The following PKN2 variants were observed in gnomAD, a reference collection of about 807,000 sequenced individuals.
The protein encoded by PKN2 is serine/threonine-protein kinase N2.
Under a neutral mutation model 119.1 loss-of-function variants are expected in PKN2, and 38 were observed. That is an observed-to-expected ratio of 0.32 (90% CI 0.25 to 0.42). PKN2 has a LOEUF of 0.42. Among genes scored for constraint, PKN2 ranks in the 10% least tolerant of loss-of-function variants. The pLI, the probability that PKN2 is intolerant of heterozygous loss-of-function variation, is 1.00. For synonymous variants in PKN2, 390 were observed against 384.9 expected (o/e 1.01, Z -0.15); for missense variants, 850 against 1,165.1 (o/e 0.73, Z 3.94).
intron 1 of PKN2, among the ~76,000 whole-genome samples, chr1:88,724,118 A>C (rs1667802902): frequency 6.6e-6 from 1 of 152,162 alleles, no homozygotes; most frequent in Non-Finnish European, 1.5e-5. Context: ...GGAAAGCTCA[A>C]ATCACTTGCT....
At chr1:88,790,832 A>G (rs940819068) in intron 8 of PKN2, among the ~76,000 whole-genome samples, 7 of 152,008 alleles carry the variant, frequency 4.6e-5, no homozygotes, top group African/African-American at 1.2e-4. Flanking sequence ...TCTTTTGTCT[A>G]TGGTTTCTGT....
chr1:88,775,225 AAGTGCT>A (rs996313360), intron 6 of PKN2, among the ~76,000 whole-genome samples: 1 of 152,066 alleles, frequency 6.6e-6, no homozygotes, highest in African/African-American at 2.4e-5. Context: ...TGGCCTCCCA[AAGTGCT>A]AGGATTACAG....
intron 8 of PKN2, among the ~76,000 whole-genome samples, chr1:88,793,305 C>A (rs1670923366): frequency 6.6e-6 from 1 of 152,084 alleles, no homozygotes; most frequent in Non-Finnish European, 1.5e-5. Flanking sequence ...TATATGCATT[C>A]ATGACATATC....
At chr1:88,807,482 G>T in intron 13 of PKN2, 39 bp downstream of exon 13, 15 of 1,604,874 alleles carry the variant, frequency 9.3e-6, no homozygotes, top group Non-Finnish European at 1.3e-5. Flanking sequence ...TACATGTTTG[G>T]TACCATACTT....
intron 16 of PKN2, among the ~76,000 whole-genome samples, chr1:88,820,201 TA>T (rs1672199708): frequency 4.0e-5 from 3 of 74,232 alleles, no homozygotes; most frequent in Non-Finnish European, 7.7e-5. Context: ...TATATATATA[TA>T]TATATATATA....
chr1:88,805,873 T>A lies in PKN2; in HGVS notation c.1677-18T>A, dbSNP rs1021079612. On this transcript the variant is annotated intron_variant, in intron 11 of 21. Coordinates refer to ENST00000370521, the MANE Select transcript of PKN2 (RefSeq NM_006256.4). ...ACTTTCTATTACTGTTTTGGTGAGT[T>A]ACTTTATCTTCTATAAGTGATTCTA... 6.2e-7 allele frequency: 1 copy of A among 1,612,826 alleles called. No individual in the cohort carries two copies. The highest frequency in any genetic ancestry group is 8.5e-7 in the Non-Finnish European group (1 of 1,179,710).
intron 3 of PKN2, among the ~76,000 whole-genome samples, chr1:88,767,668 A>G (rs1314184437): frequency 6.6e-6 from 1 of 152,220 alleles, no homozygotes; most frequent in East Asian, 1.9e-4. Context: ...GTTGACCTAA[A>G]TGTCATTATG....
chr1:88,740,572 A>G (rs1668537298), intron 1 of PKN2, among the ~76,000 whole-genome samples: 3 of 152,112 alleles, frequency 2.0e-5, no homozygotes, highest in African/African-American at 4.8e-5. Flanking sequence ...AGTATCTCTA[A>G]AAGGTGGCTA....
intron 1 of PKN2, among the ~76,000 whole-genome samples, chr1:88,704,902 T>C (rs1666916317): frequency 6.6e-6 from 1 of 152,180 alleles, no homozygotes; most frequent in South Asian, 2.1e-4. Context: ...TGGTTTTAAT[T>C]TGCATATTTG....
intron 6 of PKN2, among the ~76,000 whole-genome samples, chr1:88,774,884 T>C (rs1670031709): frequency 6.6e-6 from 1 of 152,010 alleles, no homozygotes; most frequent in Admixed American, 6.6e-5. Context: ...AATTTTTAGT[T>C]TTTTGCTAGC....
At position 88,795,182 on chromosome 1, in the gene PKN2, AT is replaced by A. The variant is rs1217455330; in HGVS notation, c.1281+8976del. ...CTCAGCTTTCTCCTATCACCTGCTA[AT>A]TTTTTTGTATCTTCCTCCTTGGTTT... On this transcript the variant is annotated intron_variant, in intron 8 of 21. Coordinates refer to ENST00000370521, the MANE Select transcript of PKN2 (RefSeq NM_006256.4). Among the ~76,000 whole-genome samples the A allele has an allele frequency of 1.1e-4, 16 of 152,180 alleles. No individual in the cohort carries two copies. In the South Asian group the frequency reaches 2.1e-3, roughly 20 times the overall value.
chr1:88,824,207 TAAAG>T, intron 17 of PKN2, 99 bp from the exon 18 acceptor site: 1 of 604,818 alleles, frequency 1.7e-6, no homozygotes, highest in East Asian at 2.8e-5. Flanking sequence ...CCATTTTTAA[TAAAG>T]AGAAAACACA....
intron 8 of PKN2, among the ~76,000 whole-genome samples, chr1:88,800,900 A>T (rs1671278509): frequency 6.6e-6 from 1 of 152,194 alleles, no homozygotes; most frequent in Admixed American, 6.5e-5. Flanking sequence ...AGACAAACTG[A>T]AACACAAGTT....
At chr1:88,762,487 G>T (rs1322381120) in intron 3 of PKN2, among the ~76,000 whole-genome samples, 1 of 152,062 alleles carries the variant, frequency 6.6e-6, no homozygotes, top group African/African-American at 2.4e-5. Flanking sequence ...CATCGTTTTA[G>T]ATTAGGGAAA....
chr1:88,763,397 C>T lies in PKN2; in HGVS notation c.504+3021C>T, dbSNP rs543959691. Among the ~76,000 whole-genome samples the T allele has an allele frequency of 2.6e-5, 4 of 152,160 alleles. No homozygotes were observed. In the East Asian group the frequency reaches 7.7e-4, roughly 29 times the overall value. The stretch of plus-strand genomic sequence containing the variant: ...CCGAGGCAGGTGGATCAGCTGAGGT[C>T]GGGAGTTAGAGACCAGCCTGACCAA... On this transcript the variant is annotated intron_variant, in intron 3 of 21. Transcript: ENST00000370521.
intron 1 of PKN2, among the ~76,000 whole-genome samples, chr1:88,718,732 G>A (rs1312010850): frequency 6.6e-6 from 1 of 152,050 alleles, no homozygotes; most frequent in African/African-American, 2.4e-5. Flanking sequence ...AACCTTCAGG[G>A]AATTCTGCAG....
At chr1:88,753,296 GTTAT>G (rs1183296806) in intron 2 of PKN2, among the ~76,000 whole-genome samples, 1 of 151,982 alleles carries the variant, frequency 6.6e-6, no homozygotes, top group Non-Finnish European at 1.5e-5. Flanking sequence ...TCTGTTCTTC[GTTAT>G]TTCTTTTTTG....
chr1:88,802,517 G>A (rs950962525), intron 8 of PKN2, among the ~76,000 whole-genome samples: 4 of 152,028 alleles, frequency 2.6e-5, no homozygotes, highest in Non-Finnish European at 5.9e-5. Flanking sequence ...TAGAAATGGG[G>A]TTTCACCATG....
chr1:88,814,383 A>G (rs1025579140), intron 16 of PKN2, among the ~76,000 whole-genome samples: 5 of 152,160 alleles, frequency 3.3e-5, no homozygotes, highest in Non-Finnish European at 7.4e-5. Flanking sequence ...CCCTGTTAGT[A>G]TCTTAATTTT....
Sources: gnomAD v4.1 joint callset for allele counts (sites outside exome capture counted in the v4.1 genomes callset) on GRCh38, gnomAD v4.1.1 for gene constraint, MANE v1.5 for transcripts, NCBI Gene and HGNC (gene_info 2026-07-23, HGNC 2026-07-21) for gene names.